CCDC34: variants seen among roughly 807,000 people sequenced by gnomAD.
The protein encoded by CCDC34 is coiled-coil domain-containing protein 34.
CCDC34 carries 40 observed loss-of-function variants against 44.1 expected under a neutral mutation model. That is an observed-to-expected ratio of 0.91 (90% confidence interval 0.70 to 1.18). CCDC34 has a LOEUF of 1.18. Among genes scored for constraint, CCDC34 ranks in the 50% most tolerant of loss-of-function variants. CCDC34 has a pLI of 0.00. For synonymous variants in CCDC34, 159 were observed against 158.2 expected (o/e 1.01, Z -0.04); for missense variants, 466 against 452.3 (o/e 1.03, Z -0.28).
At chr11:27,349,423 T>C (rs986963163) in intron 3 of CCDC34, 2 of 832,558 alleles carry the variant, frequency 2.4e-6, no homozygotes, top group Non-Finnish European at 2.9e-6. Context: ...ATCTTCAATT[T>C]ACTGAAATTA....
chr11:27,354,784 G>A (rs566229219), intron 2 of CCDC34, among the ~76,000 whole-genome samples: 1 of 151,790 alleles, frequency 6.6e-6, no homozygotes, highest in African/African-American at 2.4e-5. Context: ...GGAAGAGGAG[G>A]GGAGGTCAAA....
intron 1 of CCDC34, among the ~76,000 whole-genome samples, chr11:27,358,407 G>A (rs1862609439): frequency 6.6e-6 from 1 of 152,174 alleles, no homozygotes; most frequent in Non-Finnish European, 1.5e-5. Context: ...CTAAAGACTA[G>A]TTTATTACAG....
chr11:27,358,969 C>CG (rs1491017002), intron 1 of CCDC34, among the ~76,000 whole-genome samples: 1 of 146,640 alleles, frequency 6.8e-6, no homozygotes, highest in Non-Finnish European at 1.5e-5. Flanking sequence ...CCCCCCCCCC[C>CG]CACCGCCACC....
intron 2 of CCDC34, among the ~76,000 whole-genome samples, chr11:27,351,014 C>T (rs1333147995): frequency 6.6e-6 from 1 of 151,802 alleles, no homozygotes; most frequent in Non-Finnish European, 1.5e-5. Flanking sequence ...AACTGCCTTG[C>T]TGTCACTCGA....
chr11:27,354,493 G>A (rs1862545326), intron 2 of CCDC34, among the ~76,000 whole-genome samples: 1 of 152,048 alleles, frequency 6.6e-6, no homozygotes, highest in Admixed American at 6.5e-5. Flanking sequence ...CCCTTTCACT[G>A]ATAAGGAAAT....
intron 1 of CCDC34, among the ~76,000 whole-genome samples, chr11:27,357,929 C>T (rs77679957): frequency 1.4e-4 from 21 of 152,210 alleles, no homozygotes; most frequent in African/African-American, 5.1e-4. Flanking sequence ...TTCCCTTTCC[C>T]GCCCTTAAGT....
chr11:27,348,773 T>G (rs1862467038), intron 3 of CCDC34: 1 of 816,572 alleles, frequency 1.2e-6, no homozygotes, highest in Non-Finnish European at 1.5e-6. Context: ...TGTAACTATG[T>G]CTGAAAGAAG....
intron 4 of CCDC34, 77 bp downstream of exon 4, chr11:27,341,311 TTAGA>T (rs1337239648): frequency 8.1e-5 from 67 of 827,096 alleles, no homozygotes; most frequent in Non-Finnish European, 1.1e-4. Flanking sequence ...CAATTTTCTA[TTAGA>T]TACTTTTTCT....
At chr11:27,351,228 G>C (rs1338978540) in intron 2 of CCDC34, among the ~76,000 whole-genome samples, 1 of 152,148 alleles carries the variant, frequency 6.6e-6, no homozygotes, top group African/African-American at 2.4e-5. Context: ...CTAATAGTCA[G>C]ATACCTTACG....
intron 2 of CCDC34, among the ~76,000 whole-genome samples, chr11:27,354,093 C>A (rs1173867695): frequency 6.6e-6 from 1 of 152,136 alleles, no homozygotes; most frequent in Non-Finnish European, 1.5e-5. Context: ...AATGTGAATA[C>A]CACAAGAGCT....
chr11:27,360,092 A>G (rs1862640437), intron 1 of CCDC34, among the ~76,000 whole-genome samples: 2 of 152,238 alleles, frequency 1.3e-5, no homozygotes, highest in Non-Finnish European at 2.9e-5. Context: ...CTTAATATTT[A>G]TAACAAATGT....
intron 5 of CCDC34, among the ~76,000 whole-genome samples, chr11:27,339,346 A>G (rs1206444545): frequency 1.3e-5 from 2 of 152,212 alleles, no homozygotes; most frequent in African/African-American, 4.8e-5. Flanking sequence ...TGATCCTTAA[A>G]TTCAACAAAA....
intron 3 of CCDC34, among the ~76,000 whole-genome samples, chr11:27,348,268 G>A (rs1862460007): frequency 6.6e-6 from 1 of 152,186 alleles, no homozygotes; most frequent in African/African-American, 2.4e-5. Context: ...ATAATGCAAT[G>A]ATAACAGTGT....
At chr11:27,342,928 G>A (rs1440225924) in intron 3 of CCDC34, among the ~76,000 whole-genome samples, 2 of 152,132 alleles carry the variant, frequency 1.3e-5, no homozygotes, top group East Asian at 3.8e-4. Context: ...AAAAGTATAT[G>A]CAATACAAAT....
chr11:27,362,541 G>T (rs539381245), intron 1 of CCDC34, among the ~76,000 whole-genome samples: 3 of 152,290 alleles, frequency 2.0e-5, no homozygotes, highest in East Asian at 1.9e-4. Flanking sequence ...TTCATAGAAC[G>T]CCTGAAATGG....
chr11:27,361,210 C>T (rs1174898777), intron 1 of CCDC34, among the ~76,000 whole-genome samples: 1 of 152,164 alleles, frequency 6.6e-6, no homozygotes, highest in Non-Finnish European at 1.5e-5. Context: ...CAGCCTTAGC[C>T]CTGTGGTGCT....
chr11:27,362,709 G>A, intron 1 of CCDC34, 127 bp downstream of exon 1: 1 of 1,083,942 alleles, frequency 9.2e-7, no homozygotes, highest in Admixed American at 2.4e-5. Flanking sequence ...AAAAACCACG[G>A]CACCTCAGTC....
At chr11:27,342,471 G>A (rs895359053) in intron 3 of CCDC34, among the ~76,000 whole-genome samples, 3 of 151,654 alleles carry the variant, frequency 2.0e-5, no homozygotes, top group Admixed American at 6.6e-5. Context: ...TGAATTAAGA[G>A]AGGAGAAGTG....
intron 2 of CCDC34, among the ~76,000 whole-genome samples, chr11:27,353,777 A>G (rs1424597657): frequency 6.6e-6 from 1 of 152,214 alleles, no homozygotes; most frequent in Non-Finnish European, 1.5e-5. Flanking sequence ...TACGAAAGCC[A>G]GAGTTCATTA....
Sources: gnomAD v4.1 joint callset for allele counts (sites outside exome capture counted in the v4.1 genomes callset) on GRCh38, gnomAD v4.1.1 for gene constraint, MANE v1.5 for transcripts, NCBI Gene and HGNC (gene_info 2026-07-23, HGNC 2026-07-21) for gene names.